PTPRD: variants seen among roughly 807,000 people sequenced by gnomAD.
PTPRD encodes the protein protein tyrosine phosphatase receptor type D.
In PTPRD, 34 loss-of-function variants were observed where a neutral mutation model predicts 214.5. The ratio of observed to expected loss-of-function variants is 0.16; its 90% CI spans 0.12 to 0.21. The LOEUF (loss-of-function observed/expected upper bound fraction) is 0.21. Among genes scored for constraint, PTPRD ranks in the 10% least tolerant of loss-of-function variants. The pLI is 1.00. For synonymous variants in PTPRD, 1,128 were observed against 845.7 expected, an observed-to-expected ratio of 1.33 and a Z score of -5.79; for missense variants, 2,545 against 2,398.7, an observed-to-expected ratio of 1.06 and a Z score of -1.27.
At chr9:9,441,708 A>C (rs1011656761) in intron 8 of PTPRD, among the ~76,000 whole-genome samples, 1 of 152,200 alleles carries the variant, frequency 6.6e-6, no homozygotes, top group East Asian at 1.9e-4. Flanking sequence ...CCGAAAAAAA[A>C]ATCCACTTTT....
chr9:9,237,908 C>A (rs528218357), intron 9 of PTPRD, among the ~76,000 whole-genome samples: 1 of 152,254 alleles, frequency 6.6e-6, no homozygotes, highest in East Asian at 1.9e-4. Context: ...CAAATTAGCT[C>A]CTCTAAGAAC....
intron 8 of PTPRD, among the ~76,000 whole-genome samples, chr9:9,437,848 T>C (rs1588418914): frequency 6.6e-6 from 1 of 152,192 alleles, no homozygotes; most frequent in South Asian, 2.1e-4. Flanking sequence ...AAAGGTTTAA[T>C]TGTTTACTCA....
At chr9:9,164,846 C>A (rs1486458147) in intron 10 of PTPRD, among the ~76,000 whole-genome samples, 1 of 118,280 alleles carries the variant, frequency 8.5e-6, no homozygotes, top group African/African-American at 3.2e-5. Context: ...AATCCTGTCT[C>A]TACTAAAACA....
At chr9:8,347,727 G>T (rs2074269476) in intron 39 of PTPRD, among the ~76,000 whole-genome samples, 1 of 152,176 alleles carries the variant, frequency 6.6e-6, no homozygotes, top group South Asian at 2.1e-4. Flanking sequence ...AATCAGATAG[G>T]ATGGATGTCC....
intron 4 of PTPRD, among the ~76,000 whole-genome samples, chr9:9,965,981 T>G (rs1013243371): frequency 6.6e-6 from 1 of 152,232 alleles, no homozygotes; most frequent in Admixed American, 6.5e-5. Flanking sequence ...TTGAGTATAT[T>G]GCTAAAAGCA....
chr9:9,969,020 G>A (rs1021955900), intron 4 of PTPRD, among the ~76,000 whole-genome samples: 1 of 152,112 alleles, frequency 6.6e-6, no homozygotes, highest in Non-Finnish European at 1.5e-5. Context: ...GTAGGAGAGA[G>A]TCCATAGTCA....
intron 39 of PTPRD, among the ~76,000 whole-genome samples, chr9:8,345,155 C>T (rs1856385830): frequency 6.6e-6 from 1 of 152,010 alleles, no homozygotes; most frequent in Admixed American, 6.6e-5. Context: ...TCTGCGTTCA[C>T]ATTTATCATC....
chr9:10,166,152 T>A (rs1387372445), intron 3 of PTPRD, among the ~76,000 whole-genome samples: 2 of 150,160 alleles, frequency 1.3e-5, no homozygotes, highest in South Asian at 2.1e-4. Context: ...AAAATACGTA[T>A]CCATAATATA....
intron 5 of PTPRD, among the ~76,000 whole-genome samples, chr9:9,937,269 T>C (rs1053734386): frequency 6.6e-6 from 1 of 151,496 alleles, no homozygotes; most frequent in African/African-American, 2.4e-5. Context: ...TAAATTACTA[T>C]ATTGGTCTCT....
chr9:10,524,293 G>A (rs1029558926), intron 2 of PTPRD, among the ~76,000 whole-genome samples: 1 of 152,114 alleles, frequency 6.6e-6, no homozygotes, highest in South Asian at 2.1e-4. Context: ...CATTTGTTCC[G>A]AGGCAGCGCA....
chr9:9,982,547 T>C (rs1469669273), intron 4 of PTPRD, among the ~76,000 whole-genome samples: 1 of 151,680 alleles, frequency 6.6e-6, no homozygotes, highest in Admixed American at 6.6e-5. Flanking sequence ...CTCTTATTTA[T>C]GATCACAGAA....
At chr9:10,060,205 T>C (rs2097732750) in intron 3 of PTPRD, among the ~76,000 whole-genome samples, 2 of 152,052 alleles carry the variant, frequency 1.3e-5, no homozygotes, top group Non-Finnish European at 2.9e-5. Context: ...TCCTCAGCTT[T>C]CAAGTCCCAA....
At chr9:9,323,579 C>T (rs531353328) in intron 9 of PTPRD, among the ~76,000 whole-genome samples, 6 of 152,190 alleles carry the variant, frequency 3.9e-5, no homozygotes, top group African/African-American at 7.2e-5. Context: ...GATACCAATT[C>T]GAGAACCATC....
chr9:9,711,049 A>G (rs565398008), intron 7 of PTPRD, among the ~76,000 whole-genome samples: 1 of 152,276 alleles, frequency 6.6e-6, no homozygotes, highest in African/African-American at 2.4e-5. Flanking sequence ...TCCTGTCCAG[A>G]GTTGGTTCCC....
chr9:9,453,048 T>G (rs1244479618), intron 8 of PTPRD, among the ~76,000 whole-genome samples: 1 of 150,032 alleles, frequency 6.7e-6, no homozygotes, highest in Non-Finnish European at 1.5e-5. Context: ...ATATACATAC[T>G]GGAAATTTAA....
At chr9:8,679,691 T>C (rs920371600) in intron 12 of PTPRD, among the ~76,000 whole-genome samples, 1 of 152,256 alleles carries the variant, frequency 6.6e-6, no homozygotes, top group African/African-American at 2.4e-5. Flanking sequence ...AGTGATGTGA[T>C]GTTTTCTCCC....
chr9:10,588,223 C>T (rs971673118), intron 2 of PTPRD, among the ~76,000 whole-genome samples: 10 of 152,022 alleles, frequency 6.6e-5, no homozygotes, highest in African/African-American at 2.4e-4. Context: ...TGAGTGCTCT[C>T]AGTTTTATAG....
chr9:9,453,181 T>C (rs899052462), intron 8 of PTPRD, among the ~76,000 whole-genome samples: 2 of 151,492 alleles, frequency 1.3e-5, no homozygotes, highest in African/African-American at 2.4e-5. Flanking sequence ...ACTTAAATAA[T>C]GTTATGCCGG....
chr9:9,862,230 T>C (rs1267644425), intron 5 of PTPRD, among the ~76,000 whole-genome samples: 1 of 152,042 alleles, frequency 6.6e-6, no homozygotes, highest in East Asian at 1.9e-4. Context: ...AAAAAGTGTT[T>C]ACCATTTTGA....
Sources: gnomAD v4.1 joint callset for allele counts (sites outside exome capture counted in the v4.1 genomes callset) on GRCh38, gnomAD v4.1.1 for gene constraint, MANE v1.5 for transcripts, NCBI Gene and HGNC (gene_info 2026-07-23, HGNC 2026-07-21) for gene names.